The following CD207 variants were observed in gnomAD, a reference collection of about 807,000 sequenced individuals.
CD207 encodes the protein CD207 molecule.
A neutral mutation model predicts 31.6 loss-of-function variants in CD207; 28 were observed. The observed-to-expected ratio is 0.89, with a 90% CI of 0.66 to 1.21. The LOEUF is 1.21. Ranked by LOEUF, CD207 falls within the 50% of genes most tolerant of loss-of-function variation. CD207 has a pLI of 0.00. For synonymous variants in CD207, 168 were observed against 153.9 expected, an observed-to-expected ratio of 1.09 and a Z score of -0.68; for missense variants, 388 against 397.8, an observed-to-expected ratio of 0.98 and a Z score of 0.21.
downstream of CD207, among the ~76,000 whole-genome samples, chr2:70,825,243 A>G (rs1385819535): frequency 1.3e-5 from 2 of 152,224 alleles, no homozygotes; most frequent in Non-Finnish European, 2.9e-5. Flanking sequence ...CTTCAAAAAC[A>G]AGGAAAGACT....
rs1199408366 is a variant in CD207 at position 70,830,783 on chromosome 2, C to T, written c.*267G>A. ...GTTATGCCGGATTACGGGTCTTGATCCTCCTTAGCAGGGCAATTGGAACTT... is the reference window on the plus strand; with the variant it reads ...GTTATGCCGGATTACGGGTCTTGATTCTCCTTAGCAGGGCAATTGGAACTT... On this transcript the variant is annotated 3_prime_UTR_variant, in exon 6 of 6. Transcript: ENST00000410009. 2 of 343,474 alleles carry T rather than the reference C, an allele frequency of 5.8e-6. No individual in the cohort carries two copies. Among genetic ancestry groups the T allele is most frequent in the Non-Finnish European group, 1.1e-5 (2 of 188,342 alleles). 21.3% of individuals were successfully genotyped at this position (343,474 alleles called of 1,614,324 possible).
rs1305976319 is a variant in CD207 at position 70,835,530 on chromosome 2, GC to G, written c.150del (p.Leu51TrpfsTer24). 3.1e-6 allele frequency: 5 copies of G among 1,613,814 alleles called. No homozygotes were observed. Among genetic ancestry groups the G allele is most frequent in the Non-Finnish European group, 4.2e-6 (5 of 1,179,876 alleles). The part of the protein sequence containing the change: ...PTVRAALICL[T>X]LVLVASVLLQ... ...AGCAGGACGGAGGCGACCAGGACCA[GC>G]GTCAGGCAGATTAATGCAGCACGGA... On this transcript the variant is annotated frameshift_variant, in exon 2 of 6. Coordinates refer to ENST00000410009, the MANE Select transcript of CD207 (RefSeq NM_015717.5). LOFTEE classifies it high-confidence loss of function.
In CD207 at chr2:70,832,965, T is replaced by C; in HGVS notation, c.652A>G (p.Ser218Gly). The C allele has an allele frequency of 6.2e-7, 1 of 1,614,026 alleles. No homozygotes were observed. The highest frequency in any genetic ancestry group is 8.5e-7 in the Non-Finnish European group (1 of 1,179,880). Residue 218 changes from serine to glycine, a missense_variant, in exon 4 of 6, where the codon AGT (serine) becomes GGT (glycine). By Grantham distance (56) the Ser-to-Gly change is moderately conservative (BLOSUM62 0). Transcript: ENST00000410009. ...YFSLIPKTWY[S>G]AEQFCVSRNS... ...CTGGACACACAGAACTGCTCGGCAC[T>C]ATACCAGGTCTTTGGAATGAGAGAA...
rs946907468 is a variant in CD207 at position 70,830,996 on chromosome 2, C to T, written c.*54G>A. ...GAGTCTGGGGAAGAAAGAGGCATTT[C>T]CTCATGTTTAACAAGCGTTGGAGCT... On this transcript the variant is annotated 3_prime_UTR_variant, in exon 6 of 6. Transcript: ENST00000410009. 253 of 1,525,322 alleles carry T rather than the reference C, an allele frequency of 1.7e-4. No homozygotes were observed. Among genetic ancestry groups the T allele is most frequent in the Middle Eastern group, 1.0e-3 (5 of 4,910 alleles). 94.5% of individuals were successfully genotyped at this position (1,525,322 alleles called of 1,614,324 possible).
At chr2:70,828,984 T>G (rs1170987474), downstream of CD207, among the ~76,000 whole-genome samples, 1 of 152,192 alleles carries the variant, frequency 6.6e-6, no homozygotes, top group African/African-American at 2.4e-5. Context: ...GTCTTTCCCC[T>G]GCCTCATAGC....
downstream of CD207, among the ~76,000 whole-genome samples, chr2:70,828,309 T>TG (rs1677393244): frequency 6.6e-6 from 1 of 150,958 alleles, no homozygotes; most frequent in Admixed American, 6.6e-5. Context: ...ATGCATACAG[T>TG]GGGGGAGGGA....
In CD207 at chr2:70,833,896, A is replaced by G. The variant is rs1284777118; in HGVS notation, c.315T>C (p.Ala105=). ...CATTCACCATCTGGATCTGAACGCCAGCTGCCTCCATGCCGTCACTATTCT... is the reference window on the plus strand; with the variant it reads ...CATTCACCATCTGGATCTGAACGCCGGCTGCCTCCATGCCGTCACTATTCT... ...IKKNSDGMEA[A]GVQIQMVNES... is the part of the protein sequence containing the mutation. Residue 105 remains alanine (A), a synonymous_variant, in exon 3 of 6, where the codon GCT becomes GCC. Transcript: ENST00000410009. 1.9e-6 allele frequency: 3 copies of G among 1,607,242 alleles called. No individual in the cohort carries two copies. The highest frequency in any genetic ancestry group is 2.6e-6 in the Non-Finnish European group (3 of 1,175,444).
intron 4 of CD207, among the ~76,000 whole-genome samples, 181 bp downstream of exon 4, chr2:70,832,719 A>G (rs1677504699): frequency 6.6e-6 from 1 of 152,228 alleles, no homozygotes; most frequent in African/African-American, 2.4e-5. Context: ...TGGGTCCTTG[A>G]GTAGCCACAG....
rs782013427 is a variant in CD207 at position 70,835,581 on chromosome 2, G to C, written c.100C>G (p.Leu34Val). ...REPPPKSGPS[L>V]VPGKTPTVRA... ...ACTGTGGGTGTTTTCCCCGGGACCA[G>C]AGATGGACCGGACTTGGGAGGAGGC... is the stretch of plus-strand genomic sequence containing the variant. The change falls in exon 2 of 6, where the codon CTG becomes GTG. Residue 34 changes from leucine (L) to valine (V), a missense_variant. Leu to Val is a conservative substitution (Grantham distance 32). Coordinates refer to ENST00000410009, the MANE Select transcript of CD207 (RefSeq NM_015717.5). 2.5e-6 allele frequency: 4 copies of C among 1,613,914 alleles called. No individual in the cohort carries two copies. The African/African-American group carries it at 4.0e-5, about 16-fold the overall frequency.
chr2:70,834,073 T>C (rs1677547330), intron 2 of CD207, 53 bp from the exon 3 acceptor site: 1 of 1,439,564 alleles, frequency 6.9e-7, no homozygotes, highest in African/African-American at 1.4e-5. Flanking sequence ...GGGACAGGAG[T>C]GGGGGTGTTG....
At chr2:70,828,897 T>G (rs1677405434), downstream of CD207, among the ~76,000 whole-genome samples, 1 of 152,174 alleles carries the variant, frequency 6.6e-6, no homozygotes, top group Non-Finnish European at 1.5e-5. Context: ...ACTCCTGACC[T>G]CAGGTGACCC....
At chr2:70,829,031 C>T (rs1481290634), downstream of CD207, among the ~76,000 whole-genome samples, 1 of 152,202 alleles carries the variant, frequency 6.6e-6, no homozygotes, top group Non-Finnish European at 1.5e-5. Context: ...TGCCACGTGA[C>T]GGCCCCTCCA....
downstream of CD207, among the ~76,000 whole-genome samples, chr2:70,828,586 G>A (rs1553399195): frequency 6.6e-6 from 1 of 152,208 alleles, no homozygotes; most frequent in African/African-American, 2.4e-5. Flanking sequence ...AGCAGCCGGA[G>A]CCCTTCAGGC....
Position 70,831,727 on chromosome 2 carries a change from C to A in CD207, c.810G>T (p.Thr270=). The stretch of plus-strand genomic sequence containing the variant: ...TCACACTTTGGACCTTGTTGAATGG[C>A]GTGTCATCCACCCAGGACCAGTCCC... ...MEGDWSWVDD[T]PFNKVQSVRF... Residue 270 remains threonine (T), a synonymous_variant, in exon 5 of 6, where the codon ACG becomes ACT. Coordinates refer to ENST00000410009, the MANE Select transcript of CD207 (RefSeq NM_015717.5). 1 of 1,612,428 alleles carries A rather than the reference C, an allele frequency of 6.2e-7. No individual in the cohort carries two copies. Among genetic ancestry groups the A allele is most frequent in the South Asian group, 1.1e-5 (1 of 91,048 alleles).
downstream of CD207, among the ~76,000 whole-genome samples, chr2:70,826,320 T>A (rs1292239861): frequency 6.6e-6 from 1 of 152,096 alleles, no homozygotes; most frequent in Non-Finnish European, 1.5e-5. Flanking sequence ...CATGGTTGAA[T>A]CTGACCGGTG....
chr2:70,824,398 G>T, the CD207 span, among the ~76,000 whole-genome samples: 28 of 151,770 alleles, frequency 1.8e-4, no homozygotes, highest in Non-Finnish European at 3.8e-4. Flanking sequence ...AAAAAAATTA[G>T]ATGTACACAC....
chr2:70,830,458 A>G lies in CD207; in HGVS notation c.*592T>C, dbSNP rs2104698078. 6.6e-6 allele frequency: 1 copy of G among 152,644 alleles called. No individual in the cohort carries two copies. Among genetic ancestry groups the G allele is most frequent in the East Asian group, 1.9e-4 (1 of 5,194 alleles). The allele number at this position is 152,644 out of a possible 1,614,324, so 9.5% of individuals were successfully genotyped here. A position where few individuals can be genotyped will look rare whatever the true frequency, so the allele number is the denominator to read the frequency against. ...GTGCCAGCCGAGCTCTGAAGGAGAT[A>G]CAAGTCCGTGTCAGCCACTGACTTG... is the stretch of plus-strand genomic sequence containing the variant. On this transcript the variant is annotated 3_prime_UTR_variant, in exon 6 of 6. Coordinates refer to ENST00000410009, the MANE Select transcript of CD207 (RefSeq NM_015717.5).
rs1574397950 is a variant in CD207 at position 70,835,719 on chromosome 2, A to G, written c.58T>C (p.Ser20Pro). The G allele has an allele frequency of 6.2e-7, 1 of 1,613,050 alleles. No homozygotes were observed. The highest frequency in any genetic ancestry group is 1.3e-5 in the African/African-American group (1 of 75,014). ...TGTGGCTTGCCTCGGGGCCAGAGGG[A>G]GATGTTCTGTTTGTCCACAGTGAAG... is the stretch of plus-strand genomic sequence containing the variant. ...AHFTVDKQNI[S>P]LWPREPPPKS... Residue 20 changes from serine to proline, a missense_variant, in exon 1 of 6, where the codon TCC becomes CCC. Coordinates refer to ENST00000410009, the MANE Select transcript of CD207 (RefSeq NM_015717.5).
chr2:70,835,591 G>A lies in CD207; in HGVS notation c.90C>T (p.Ser30=), dbSNP rs76024692. 9.6e-4 allele frequency: 1,550 copies of A among 1,613,868 alleles called. 16 individuals are homozygous for A. In the African/African-American group the frequency reaches 0.016, roughly 17 times the overall value. The change falls in exon 2 of 6, where the codon TCC becomes TCT. Residue 30 remains serine (S), a synonymous_variant. Coordinates refer to ENST00000410009, the MANE Select transcript of CD207 (RefSeq NM_015717.5). ...TTTTCCCCGGGACCAGAGATGGACCGGACTTGGGAGGAGGCTCTGTTGGAA... is the reference window on the plus strand; with the variant it reads ...TTTTCCCCGGGACCAGAGATGGACCAGACTTGGGAGGAGGCTCTGTTGGAA... The part of the protein sequence containing the change: ...SLWPREPPPK[S]GPSLVPGKTP...
Sources: allele counts gnomAD v4.1 joint callset (sites outside exome capture counted in the v4.1 genomes callset), GRCh38; gene constraint gnomAD v4.1.1; transcripts MANE v1.5; gene names NCBI Gene and HGNC (gene_info 2026-07-23, HGNC 2026-07-21).